WWOX: variants seen among roughly 807,000 people sequenced by gnomAD.
WWOX encodes WW domain-containing oxidoreductase.
In WWOX, 69 loss-of-function variants were observed where a neutral mutation model predicts 46.2. That is an observed-to-expected ratio of 1.49 (90% CI 1.23 to 1.82). The LOEUF (loss-of-function observed/expected upper bound fraction) is 1.82, where lower values mean the gene tolerates loss of function less well. Ranked by LOEUF, WWOX falls within the 40% of genes most tolerant of loss-of-function variation. The probability of loss-of-function intolerance (pLI) is 0.00; values close to 1 mark genes in which losing one functional copy is unlikely to be tolerated. For missense variants in WWOX, 919 were observed against 542.6 expected (o/e 1.69, Z -6.89); for synonymous variants, 359 against 202.6 (o/e 1.77, Z -6.56).
At chr16:78,117,132 T>C (rs200631091) in intron 4 of WWOX, among the ~76,000 whole-genome samples, 1 of 152,206 alleles carries the variant, frequency 6.6e-6, no homozygotes, top group Non-Finnish European at 1.5e-5. Flanking sequence ...AGCCAGAAAC[T>C]CTTTGTGCCT....
intron 8 of WWOX, among the ~76,000 whole-genome samples, chr16:78,726,828 G>A (rs768904104): frequency 2.0e-5 from 3 of 152,084 alleles, no homozygotes; most frequent in Non-Finnish European, 4.4e-5. Flanking sequence ...GGAAATAGGA[G>A]GCTTTCAGTT....
intron 8 of WWOX, among the ~76,000 whole-genome samples, chr16:78,735,394 A>AACACACACACACACACACACACACAC (rs35975130): frequency 3.5e-4 from 43 of 121,388 alleles, no homozygotes; most frequent in African/African-American, 1.3e-3. Context: ...ACCACACACA[A>AACACACACACACACACACACACACAC]ACACACACAC....
At chr16:78,855,558 A>G (rs1186090845) in intron 8 of WWOX, among the ~76,000 whole-genome samples, 1 of 152,172 alleles carries the variant, frequency 6.6e-6, no homozygotes, top group Non-Finnish European at 1.5e-5. Flanking sequence ...TTCCCCAAGC[A>G]CTTTGATGAT....
chr16:79,023,721 A>G (rs771989852), intron 8 of WWOX, among the ~76,000 whole-genome samples: 16 of 151,606 alleles, frequency 1.1e-4, no homozygotes, highest in South Asian at 2.1e-4. Flanking sequence ...CAGAAGTTCG[A>G]GACCAGCCTG....
chr16:78,523,661 GTGTGCTTCTGTAAA>G (rs1257784271), intron 8 of WWOX, among the ~76,000 whole-genome samples: 2 of 152,196 alleles, frequency 1.3e-5, no homozygotes, highest in African/African-American at 4.8e-5. Context: ...GTGGTACAGT[GTGTGCTTCTGTAAA>G]TGGAAATGGT....
intron 6 of WWOX, among the ~76,000 whole-genome samples, chr16:78,402,384 G>C (rs1260085489): frequency 6.6e-6 from 1 of 152,138 alleles, no homozygotes; most frequent in Non-Finnish European, 1.5e-5. Context: ...TTGTCAGTCG[G>C]ATATTTCTGT....
intron 4 of WWOX, among the ~76,000 whole-genome samples, chr16:78,145,285 A>C (rs957054656): frequency 4.6e-5 from 7 of 152,184 alleles, no homozygotes; most frequent in Non-Finnish European, 7.3e-5. Context: ...CACAATCACA[A>C]GCTGAGGGAC....
chr16:78,818,577 A>T (rs979543115), intron 8 of WWOX, among the ~76,000 whole-genome samples: 1 of 152,134 alleles, frequency 6.6e-6, no homozygotes, highest in Non-Finnish European at 1.5e-5. Flanking sequence ...CAAAAAGTTT[A>T]AAAATCGGCT....
At chr16:78,556,250 CCCT>C (rs2044293854) in intron 8 of WWOX, among the ~76,000 whole-genome samples, 2 of 150,278 alleles carry the variant, frequency 1.3e-5, no homozygotes, top group African/African-American at 5.0e-5. Context: ...AGGGTACTTT[CCCT>C]CCTCCTCTAA....
chr16:78,727,962 A>G (rs2048874964), intron 8 of WWOX, among the ~76,000 whole-genome samples: 1 of 151,898 alleles, frequency 6.6e-6, no homozygotes, highest in Admixed American at 6.6e-5. Context: ...TAAAATAGAA[A>G]TAGTCAAATT....
Position 78,366,969 on chromosome 16 carries a change from A to ATTT in WWOX, c.517-19865_517-19863dup, listed in dbSNP as rs544239767. 4.5e-3 allele frequency among the ~76,000 whole-genome samples: 332 copies of ATTT among 74,240 alleles called. 15 individuals are homozygous for ATTT. The highest frequency in any genetic ancestry group is 0.017 in the African/African-American group (294 of 17,016). 48.7% of individuals were successfully genotyped at this position (74,240 alleles called of 152,430 possible). ...TTTTTTTTTGTATCACAAAAGTTACATTTTTTTTTTTTTTTTTTTTTTTTT... is the reference window on the plus strand; with the variant it reads ...TTTTTTTTTGTATCACAAAAGTTACATTTTTTTTTTTTTTTTTTTTTTTTTTTT... On this transcript the variant is annotated intron_variant, in intron 5 of 8. Transcript: ENST00000566780.
chr16:79,190,797 C>T (rs1219277928), intron 8 of WWOX, among the ~76,000 whole-genome samples: 2 of 152,184 alleles, frequency 1.3e-5, no homozygotes, highest in Non-Finnish European at 2.9e-5. Context: ...TGCTTTTGCA[C>T]TACAGTAGCA....
intron 5 of WWOX, among the ~76,000 whole-genome samples, chr16:78,268,801 A>G (rs897867424): frequency 6.6e-6 from 1 of 152,086 alleles, no homozygotes. Flanking sequence ...TTGGTTTTAG[A>G]TTTTTTTAAT....
chr16:78,634,377 A>C (rs1442426126), intron 8 of WWOX, among the ~76,000 whole-genome samples: 3 of 152,158 alleles, frequency 2.0e-5, no homozygotes, highest in Admixed American at 1.3e-4. Context: ...GGCACCAAAA[A>C]TGCTGTTTGA....
chr16:78,494,680 C>A (rs1756908337), intron 8 of WWOX, among the ~76,000 whole-genome samples: 1 of 152,158 alleles, frequency 6.6e-6, no homozygotes, highest in African/African-American at 2.4e-5. Flanking sequence ...TAATGGACAA[C>A]ATATCAGTCA....
chr16:78,816,502 CTTT>C (rs55814418), intron 8 of WWOX, among the ~76,000 whole-genome samples: 504 of 42,008 alleles, frequency 0.012, 2 homozygotes, highest in East Asian at 0.043. Context: ...AGGAGCCACT[CTTT>C]TTTTTTTTTT....
At chr16:79,053,938 A>G (rs1053886060) in intron 8 of WWOX, among the ~76,000 whole-genome samples, 3 of 152,138 alleles carry the variant, frequency 2.0e-5, no homozygotes, top group Non-Finnish European at 2.9e-5. Context: ...CTGTGGTTAG[A>G]ACTAAGAGGA....
chr16:78,471,203 A>C (rs1294778032), intron 8 of WWOX, among the ~76,000 whole-genome samples: 2 of 152,188 alleles, frequency 1.3e-5, no homozygotes, highest in African/African-American at 2.4e-5. Context: ...CTACAAGACA[A>C]TCAGGCGTGA....
rs1195229554 is a variant in WWOX, at chr16:78,350,817, G to C, written c.517-36043G>C. 1.7e-5 allele frequency among the ~76,000 whole-genome samples: 2 copies of C among 120,354 alleles called. 1 individual carries two copies. The highest frequency in any genetic ancestry group is 5.6e-5 in the African/African-American group (2 of 35,410). 79.0% of individuals were successfully genotyped at this position (120,354 alleles called of 152,430 possible). A position where few individuals can be genotyped will look rare whatever the true frequency, so the allele number is the denominator to read the frequency against. Reference sequence around the variant, plus strand: ...TACCTTTTTTGGGGTATGCTCCTAAGAGTGCAATTTCTGGATCACGTGGAA... The same window carrying C: ...TACCTTTTTTGGGGTATGCTCCTAACAGTGCAATTTCTGGATCACGTGGAA... On this transcript the variant is annotated intron_variant, in intron 5 of 8. Coordinates refer to ENST00000566780, the MANE Select transcript of WWOX (RefSeq NM_016373.4).
Sources: gnomAD v4.1 joint callset for allele counts (sites outside exome capture counted in the v4.1 genomes callset) on GRCh38, gnomAD v4.1.1 for gene constraint, MANE v1.5 for transcripts, NCBI Gene and HGNC (gene_info 2026-07-23, HGNC 2026-07-21) for gene names.